MSI2: variants seen among roughly 807,000 people sequenced by gnomAD.
MSI2 encodes musashi RNA binding protein 2.
MSI2 carries 17 observed loss-of-function variants against 45.6 expected under a neutral mutation model. That is an observed-to-expected ratio of 0.37 (90% CI 0.26 to 0.56). The LOEUF is 0.56. MSI2 is among the 20% of genes least tolerant of loss of function. The pLI is 0.77. For missense variants in MSI2, 293 were observed against 444.2 expected, an observed-to-expected ratio of 0.66 and a Z score of 3.06; for synonymous variants, 156 against 158.2, an observed-to-expected ratio of 0.99 and a Z score of 0.11.
chr17:57,399,144 T>G (rs2083942419), intron 5 of MSI2, among the ~76,000 whole-genome samples: 1 of 152,172 alleles, frequency 6.6e-6, no homozygotes, highest in Non-Finnish European at 1.5e-5. Context: ...TGGACAATAA[T>G]GAGTGAGCAT....
chr17:57,293,443 G>T (rs191466035), intron 5 of MSI2, among the ~76,000 whole-genome samples: 4 of 152,118 alleles, frequency 2.6e-5, no homozygotes, highest in Non-Finnish European at 2.9e-5. Flanking sequence ...TTCCACCTCC[G>T]CCTCCTCCTC....
rs570332614 is a variant in MSI2, at chr17:57,343,841, C to T, written c.313-57538C>T. Among the ~76,000 whole-genome samples the T allele has an allele frequency of 4.6e-5, 7 of 152,312 alleles. No homozygotes were observed. The East Asian group carries it at 1.3e-3, about 29-fold the overall frequency. ...AGAATACAATCCTCCCCCACCTTTT[C>T]CCAATAGAACATTCTTGTCTAGTAT... On this transcript the variant is annotated intron_variant, in intron 5 of 13. Coordinates refer to ENST00000284073, the MANE Select transcript of MSI2 (RefSeq NM_138962.4).
chr17:57,579,875 G>A (rs2088155897), intron 7 of MSI2, among the ~76,000 whole-genome samples: 1 of 152,170 alleles, frequency 6.6e-6, no homozygotes, highest in African/African-American at 2.4e-5. Flanking sequence ...CCAATCAGTT[G>A]TGGAACAGAG....
chr17:57,355,555 G>T (rs748536289), intron 5 of MSI2, among the ~76,000 whole-genome samples: 1 of 152,320 alleles, frequency 6.6e-6, no homozygotes, highest in Non-Finnish European at 1.5e-5. Context: ...AGTGGAACTG[G>T]TGTCTTTACC....
chr17:57,484,318 AC>A (rs1454436797), intron 6 of MSI2, among the ~76,000 whole-genome samples: 4 of 151,854 alleles, frequency 2.6e-5, no homozygotes, highest in African/African-American at 4.8e-5. Context: ...CTGTACCTCC[AC>A]CCTTGGCTCC....
intron 7 of MSI2, among the ~76,000 whole-genome samples, chr17:57,535,447 C>T (rs1417210950): frequency 6.6e-6 from 1 of 152,232 alleles, no homozygotes; most frequent in Non-Finnish European, 1.5e-5. Flanking sequence ...GCCTTCATTA[C>T]CCAGCAGGCC....
At chr17:57,631,775 T>G (rs1357339238) in intron 10 of MSI2, 21 of 1,605,846 alleles carry the variant, frequency 1.3e-5, no homozygotes, top group Non-Finnish European at 1.8e-5. Flanking sequence ...ATTTCTGTTC[T>G]TATTTCACTT....
chr17:57,262,316 G>C, intron 5 of MSI2, 124 bp downstream of exon 5: 1 of 1,039,824 alleles, frequency 9.6e-7, no homozygotes, highest in East Asian at 2.5e-5. Flanking sequence ...CGGGGTATCA[G>C]GACAGGCTGG....
At chr17:57,570,990 A>G (rs1204561019) in intron 7 of MSI2, among the ~76,000 whole-genome samples, 1 of 152,106 alleles carries the variant, frequency 6.6e-6, no homozygotes, top group East Asian at 1.9e-4. Context: ...TGCAGATTTG[A>G]GCAAAGCCTG....
chr17:57,504,035 G>A (rs865929541), intron 6 of MSI2, among the ~76,000 whole-genome samples: 1 of 152,078 alleles, frequency 6.6e-6, no homozygotes, highest in Admixed American at 6.5e-5. Context: ...GCGCCCGGCC[G>A]GGAGAGAGGT....
intron 6 of MSI2, among the ~76,000 whole-genome samples, chr17:57,507,286 C>T (rs1051713140): frequency 8.1e-5 from 12 of 148,206 alleles, no homozygotes; most frequent in African/African-American, 3.0e-4. Context: ...TGTGTCTCCC[C>T]CACCCCCGAC....
chr17:57,343,256 G>A (rs750175584), intron 5 of MSI2, among the ~76,000 whole-genome samples: 26 of 151,998 alleles, frequency 1.7e-4, no homozygotes, highest in Non-Finnish European at 3.1e-4. Context: ...AGCAAAGTTC[G>A]AAGCCAGGAG....
At chr17:57,495,900 A>G (rs1335475022) in intron 6 of MSI2, among the ~76,000 whole-genome samples, 2 of 152,244 alleles carry the variant, frequency 1.3e-5, no homozygotes, top group African/African-American at 2.4e-5. Flanking sequence ...ATACAGTTAT[A>G]TATCCTCATA....
At chr17:57,385,896 G>A (rs903144872) in intron 5 of MSI2, among the ~76,000 whole-genome samples, 2 of 152,180 alleles carry the variant, frequency 1.3e-5, no homozygotes, top group African/African-American at 4.8e-5. Flanking sequence ...TGTGTTAGGT[G>A]TCTGGGAGAT....
intron 7 of MSI2, among the ~76,000 whole-genome samples, chr17:57,573,817 G>C (rs2087942579): frequency 6.6e-6 from 1 of 152,234 alleles, no homozygotes; most frequent in Non-Finnish European, 1.5e-5. Flanking sequence ...GGCATGGACA[G>C]TGACTTGACT....
chr17:57,419,142 A>T (rs1299925155), intron 6 of MSI2, among the ~76,000 whole-genome samples: 1 of 150,508 alleles, frequency 6.6e-6, no homozygotes, highest in African/African-American at 2.4e-5. Flanking sequence ...TTCTCTGAAA[A>T]TTCGTCATTT....
At chr17:57,583,866 G>T (rs1164496384) in intron 7 of MSI2, among the ~76,000 whole-genome samples, 2 of 152,172 alleles carry the variant, frequency 1.3e-5, no homozygotes, top group Non-Finnish European at 2.9e-5. Flanking sequence ...CTGAGGATGG[G>T]ACCTGGACAT....
chr17:57,661,280 C>T lies in MSI2; in HGVS notation c.790+9119C>T, dbSNP rs538053441. 4.6e-5 allele frequency among the ~76,000 whole-genome samples: 7 copies of T among 152,210 alleles called. No individual in the cohort carries two copies. In the East Asian group the frequency reaches 1.2e-3, roughly 25 times the overall value. ...AGCTAGCCTTTAATAAGGATAGATTCCTACAAGGTCAGAGAGTACCCAGAA... is the reference window on the plus strand; with the variant it reads ...AGCTAGCCTTTAATAAGGATAGATTTCTACAAGGTCAGAGAGTACCCAGAA... On this transcript the variant is annotated intron_variant, in intron 11 of 13. Transcript: ENST00000284073.
intron 11 of MSI2, among the ~76,000 whole-genome samples, chr17:57,667,062 T>A (rs1168333253): frequency 4.6e-5 from 7 of 152,136 alleles, no homozygotes; most frequent in Non-Finnish European, 2.9e-5. Flanking sequence ...AAGGCTCTGG[T>A]ATCACCCAAC....
Sources: gnomAD v4.1 joint callset for allele counts (sites outside exome capture counted in the v4.1 genomes callset) on GRCh38, gnomAD v4.1.1 for gene constraint, MANE v1.5 for transcripts, NCBI Gene and HGNC (gene_info 2026-07-23, HGNC 2026-07-21) for gene names.